Variants in CERS5 observed in about 807,000 individuals in gnomAD.
The protein encoded by CERS5 is ceramide synthase 5, also known as LAG1 homolog, ceramide synthase 5.
A neutral mutation model predicts 58.9 loss-of-function variants in CERS5; 37 were observed. The ratio of observed to expected loss-of-function variants is 0.63; its 90% CI spans 0.48 to 0.83. The LOEUF is 0.83. Ranked by LOEUF, CERS5 falls within the 40% of genes least tolerant of loss-of-function variation. The pLI, the probability that CERS5 is intolerant of heterozygous loss-of-function variation, is 0.00. For synonymous variants in CERS5, 147 were observed against 177.8 expected (o/e 0.83, Z 1.38); for missense variants, 398 against 489.3 (o/e 0.81, Z 1.76).
intron 4 of CERS5, among the ~76,000 whole-genome samples, chr12:50,140,220 T>C (rs1951891636): frequency 6.6e-6 from 1 of 151,934 alleles, no homozygotes; most frequent in South Asian, 2.1e-4. Context: ...ATTAAAAATA[T>C]TTTCTTCTCT....
At chr12:50,144,961 C>G (rs573096111) in intron 1 of CERS5, 30 of 354,544 alleles carry the variant, frequency 8.5e-5, no homozygotes, top group Admixed American at 7.2e-4. Context: ...TAGTGAAACC[C>G]CGTCTCTACT....
At chr12:50,134,406 G>T (rs1286545190) in intron 9 of CERS5, 140 bp downstream of exon 9, 4 of 1,597,374 alleles carry the variant, frequency 2.5e-6, no homozygotes, top group Admixed American at 1.7e-5. Flanking sequence ...TTACCGAAGA[G>T]GCGAAGACTT....
rs1490144938 is a variant in CERS5, at chr12:50,130,464, T to C, written c.*81A>G. 1 of 1,283,798 alleles carries C rather than the reference T, an allele frequency of 7.8e-7. No homozygotes were observed. The highest frequency in any genetic ancestry group is 1.1e-6 in the Non-Finnish European group (1 of 948,348). 79.5% of individuals were successfully genotyped at this position (1,283,798 alleles called of 1,614,324 possible). A position where few individuals can be genotyped will look rare whatever the true frequency, so the allele number is the denominator to read the frequency against. On this transcript the variant is annotated 3_prime_UTR_variant, in exon 10 of 10. Coordinates refer to ENST00000317551, the MANE Select transcript of CERS5 (RefSeq NM_147190.5). ...TTGCAGTCTCCCAATCACAGAAGAGTAGATATGGGAAGGGCCAAGAGGAGT... is the reference window on the plus strand; with the variant it reads ...TTGCAGTCTCCCAATCACAGAAGAGCAGATATGGGAAGGGCCAAGAGGAGT...
intron 5 of CERS5, 138 bp downstream of exon 5, chr12:50,138,429 A>G (rs1951802427): frequency 1.4e-6 from 1 of 736,382 alleles, no homozygotes; most frequent in Non-Finnish European, 2.4e-6. Context: ...TACCCTGAAT[A>G]TGACTTAAAG....
At chr12:50,148,997 A>G (rs1353044773) in intron 1 of CERS5, among the ~76,000 whole-genome samples, 3 of 147,796 alleles carry the variant, frequency 2.0e-5, no homozygotes, top group African/African-American at 7.5e-5. Flanking sequence ...ACATGTATAA[A>G]TACATGTAGA....
chr12:50,155,035 T>A (rs1429786284), intron 1 of CERS5, among the ~76,000 whole-genome samples: 1 of 152,056 alleles, frequency 6.6e-6, no homozygotes, highest in Non-Finnish European at 1.5e-5. Context: ...TTTTTGCATT[T>A]TTAGTAGAGA....
At chr12:50,144,785 T>C (rs1391541090) in intron 1 of CERS5, 5 of 1,527,372 alleles carry the variant, frequency 3.3e-6, no homozygotes, top group Non-Finnish European at 4.4e-6. Flanking sequence ...GGTCTTGGTT[T>C]CATCATCTAA....
intron 1 of CERS5, among the ~76,000 whole-genome samples, chr12:50,145,323 T>C (rs1952210892): frequency 6.6e-6 from 1 of 151,992 alleles, no homozygotes; most frequent in African/African-American, 2.4e-5. Flanking sequence ...AAGATCTCAC[T>C]CTCCCCCGTA....
At position 50,130,294 on chromosome 12, in the gene CERS5, C is replaced by G. The variant is rs764538860; in HGVS notation, c.*251G>C. 298 of 340,012 alleles carry G rather than the reference C, an allele frequency of 8.8e-4. No homozygotes were observed. Among genetic ancestry groups the G allele is most frequent in the Non-Finnish European group, 9.7e-4 (183 of 188,668 alleles). The allele number at this position is 340,012 out of a possible 1,614,324, so 21.1% of individuals were successfully genotyped here. On this transcript the variant is annotated 3_prime_UTR_variant, in exon 10 of 10. Transcript: ENST00000317551. ...GCCCCAACCCCGGCAATGAAACTCA[C>G]GCATATGCACAAACGCACATCAACA...
At chr12:50,142,905 G>A (rs1017396257) in intron 3 of CERS5, among the ~76,000 whole-genome samples, 169 bp downstream of exon 3, 4 of 152,136 alleles carry the variant, frequency 2.6e-5, no homozygotes, top group African/African-American at 9.7e-5. Context: ...AGAAACTTAA[G>A]GGAATCAGTG....
At chr12:50,135,438 C>A in intron 8 of CERS5, 1 of 611,998 alleles carries the variant, frequency 1.6e-6, no homozygotes, top group Non-Finnish European at 3.0e-6. Flanking sequence ...ATTACTTAGG[C>A]ATAAAATGAG....
intron 1 of CERS5, among the ~76,000 whole-genome samples, chr12:50,147,672 CAT>C (rs1222596937): frequency 1.3e-5 from 2 of 152,344 alleles, no homozygotes; most frequent in East Asian, 3.9e-4. Flanking sequence ...CAGACGCTGA[CAT>C]GAGACTACAG....
chr12:50,136,132 C>A, intron 6 of CERS5, 63 bp from the exon 7 acceptor site: 1 of 1,388,838 alleles, frequency 7.2e-7, no homozygotes, highest in Non-Finnish European at 9.6e-7. Context: ...CCAGCCAACC[C>A]AACGTCCTGC....
intron 1 of CERS5, among the ~76,000 whole-genome samples, chr12:50,156,128 G>A (rs1237102585): frequency 1.6e-4 from 20 of 127,560 alleles, no homozygotes; most frequent in African/African-American, 5.6e-4. Context: ...AAGGCCGGCC[G>A]TGGTGGCTCA....
intron 1 of CERS5, among the ~76,000 whole-genome samples, chr12:50,162,058 TAA>T (rs528936874): frequency 6.6e-6 from 1 of 151,546 alleles, no homozygotes; most frequent in South Asian, 2.1e-4. Context: ...GTATTTTTAG[TAA>T]AGACAGGGTT....
rs1045736112 is a variant in CERS5 at position 50,137,861 on chromosome 12, A to G, written c.544-41T>C. ...AAGTAGTTAGATTACCGGCTAGTCA[A>G]AGGTGCATTCCATCTCTCCAACTTT... is the stretch of plus-strand genomic sequence containing the variant. On this transcript the variant is annotated intron_variant, in intron 5 of 9. Transcript: ENST00000317551. 1.2e-5 allele frequency: 16 copies of G among 1,323,896 alleles called. No homozygotes were observed. In the African/African-American group the frequency reaches 2.3e-4, roughly 19 times the overall value. The allele number at this position is 1,323,896 out of a possible 1,614,324, so 82.0% of individuals were successfully genotyped here.
intron 1 of CERS5, among the ~76,000 whole-genome samples, chr12:50,150,722 A>G (rs1335571539): frequency 6.6e-6 from 1 of 152,136 alleles, no homozygotes; most frequent in Admixed American, 6.6e-5. Context: ...AAAGACCAAG[A>G]CAAGGACTTC....
At chr12:50,142,918 C>A (rs969774856) in intron 3 of CERS5, among the ~76,000 whole-genome samples, 156 bp downstream of exon 3, 15 of 152,166 alleles carry the variant, frequency 9.9e-5, no homozygotes, top group African/African-American at 3.6e-4. Context: ...AATCAGTGTT[C>A]CAGTTCCCTT....
At chr12:50,134,755 G>A (rs563909596) in intron 8 of CERS5, 53 bp from the exon 9 acceptor site, 2 of 1,535,460 alleles carry the variant, frequency 1.3e-6, no homozygotes, top group East Asian at 2.3e-5. Flanking sequence ...CAGCAGACAG[G>A]GATGAAGCTG....
Sources: allele counts gnomAD v4.1 joint callset (sites outside exome capture counted in the v4.1 genomes callset), GRCh38; gene constraint gnomAD v4.1.1; transcripts MANE v1.5; gene names NCBI Gene and HGNC (gene_info 2026-07-23, HGNC 2026-07-21).